The following GSTCD variants were observed in gnomAD, a reference collection of about 807,000 sequenced individuals.
GSTCD encodes glutathione S-transferase C-terminal domain-containing protein.
GSTCD carries 44 observed loss-of-function variants against 68.3 expected under a neutral mutation model. The observed-to-expected ratio is 0.64, with a 90% CI of 0.51 to 0.83. The LOEUF (loss-of-function observed/expected upper bound fraction) is 0.83. Ranked by LOEUF, GSTCD falls within the 40% of genes least tolerant of loss-of-function variation. GSTCD has a pLI of 0.00. For missense variants in GSTCD, 739 were observed against 735.9 expected (o/e 1.00, Z -0.05); for synonymous variants, 273 against 255.2 (o/e 1.07, Z -0.67).
chr4:105,793,794 A>G (rs1446105263), intron 5 of GSTCD, among the ~76,000 whole-genome samples: 2 of 152,050 alleles, frequency 1.3e-5, no homozygotes, highest in African/African-American at 4.8e-5. Context: ...TTAGTATAGC[A>G]TGAAGCCCAC....
chr4:105,818,748 G>T (rs1043583858), intron 5 of GSTCD, among the ~76,000 whole-genome samples: 1 of 151,704 alleles, frequency 6.6e-6, no homozygotes, highest in Admixed American at 6.6e-5. Context: ...AACAAGGGAA[G>T]AGGAGCCTGA....
At chr4:105,839,760 T>C (rs1010795715) in intron 10 of GSTCD, among the ~76,000 whole-genome samples, 1 of 152,158 alleles carries the variant, frequency 6.6e-6, no homozygotes, top group Non-Finnish European at 1.5e-5. Flanking sequence ...TAATCCCTCC[T>C]TTGAGTGATG....
chr4:105,734,596 T>TTTGCAACGTTTTTAGCTTCTTTGCAA (rs1426991124), intron 5 of GSTCD, among the ~76,000 whole-genome samples: 1 of 152,214 alleles, frequency 6.6e-6, no homozygotes. Context: ...GTCTAATCTT[T>TTTGCAACGTTTTTAGCTTCTTTGCAA]TTGCAACGTT....
At chr4:105,805,315 C>T (rs1480862440) in intron 5 of GSTCD, among the ~76,000 whole-genome samples, 2 of 151,996 alleles carry the variant, frequency 1.3e-5, no homozygotes, top group East Asian at 3.9e-4. Flanking sequence ...TAATCTAATG[C>T]AGATTGACAT....
rs1380109813 is a variant in GSTCD at position 105,726,656 on chromosome 4, A to C, written c.972A>C (p.Glu324Asp). Residue 324 changes from glutamate to aspartate, a missense_variant, in exon 4 of 12, where the codon GAA (glutamate) becomes GAC (aspartate). By Grantham distance (45) the Glu-to-Asp change is conservative. Coordinates refer to ENST00000515279, the MANE Select transcript of GSTCD (RefSeq NM_001370181.1). Reference protein sequence around the residue: ...LLASWYQRIQEVPGVKTAASK... With the variant: ...LLASWYQRIQDVPGVKTAASK... The stretch of plus-strand genomic sequence containing the variant: ...CCTCTTGGTACCAGAGGATTCAGGA[A>C]GTGCCAGGAGTAAAAACAGCAGCTT... 4.3e-6 allele frequency: 7 copies of C among 1,613,832 alleles called. No homozygotes were observed. The South Asian group carries it at 5.5e-5, about 13-fold the overall frequency.
intron 5 of GSTCD, among the ~76,000 whole-genome samples, chr4:105,796,641 T>C (rs1225391917): frequency 6.6e-6 from 1 of 152,156 alleles, no homozygotes; most frequent in African/African-American, 2.4e-5. Flanking sequence ...AAATTGATCA[T>C]ATTTCTTTGC....
In GSTCD at chr4:105,735,500, T is replaced by C. The variant is rs552069329; in HGVS notation, c.1240+6001T>C. Among the ~76,000 whole-genome samples, 7 of 152,332 alleles carry C rather than the reference T, an allele frequency of 4.6e-5. No individual in the cohort carries two copies. In the East Asian group the frequency reaches 1.3e-3, roughly 29 times the overall value. On this transcript the variant is annotated intron_variant, in intron 5 of 11. Transcript: ENST00000515279. Reference sequence around the variant, plus strand: ...AGGCACGGGATATAATCTCCTGGTGTGCCGTTTGCTAAGACCATTGGAAAA... The same window carrying C: ...AGGCACGGGATATAATCTCCTGGTGCGCCGTTTGCTAAGACCATTGGAAAA...
chr4:105,821,979 T>G (rs971586450), intron 5 of GSTCD, among the ~76,000 whole-genome samples: 32 of 152,016 alleles, frequency 2.1e-4, no homozygotes, highest in African/African-American at 6.7e-4. Flanking sequence ...AAGAAAAATG[T>G]CATGCCATTT....
Position 105,726,782 on chromosome 4 carries a change from C to A in GSTCD, c.1098C>A (p.Ser366Arg). ...AAGTCCCAGGTGTAGAAGAGCAAAGCGATCCTTTATTTATAGGAGGACCAA... is the reference window on the plus strand; with the variant it reads ...AAGTCCCAGGTGTAGAAGAGCAAAGAGATCCTTTATTTATAGGAGGACCAA... ...LCEVPGVEEQ[S>R]DPLFIGGPRP... Residue 366 changes from serine to arginine, a missense_variant, in exon 4 of 12, where the codon AGC becomes AGA. Transcript: ENST00000515279. 1 of 1,613,348 alleles carries A rather than the reference C, an allele frequency of 6.2e-7. No individual in the cohort carries two copies. Among genetic ancestry groups the A allele is most frequent in the Non-Finnish European group, 8.5e-7 (1 of 1,179,500 alleles).
intron 5 of GSTCD, among the ~76,000 whole-genome samples, chr4:105,744,023 C>A (rs1733724994): frequency 6.6e-6 from 1 of 152,172 alleles, no homozygotes; most frequent in Non-Finnish European, 1.5e-5. Flanking sequence ...ATTTAGTACA[C>A]ATTATTATGT....
At chr4:105,730,744 T>C (rs1377819806) in intron 5 of GSTCD, among the ~76,000 whole-genome samples, 1 of 152,250 alleles carries the variant, frequency 6.6e-6, no homozygotes, top group Non-Finnish European at 1.5e-5. Flanking sequence ...ATCTTTAGTT[T>C]AATTAGATCC....
intron 5 of GSTCD, among the ~76,000 whole-genome samples, chr4:105,765,891 A>T (rs1734587295): frequency 6.6e-6 from 1 of 152,106 alleles, no homozygotes; most frequent in Non-Finnish European, 1.5e-5. Context: ...TTCCGCCAGG[A>T]TTGTAAGTTT....
chr4:105,745,430 T>C (rs978827412), intron 5 of GSTCD, among the ~76,000 whole-genome samples: 4 of 152,224 alleles, frequency 2.6e-5, no homozygotes, highest in Non-Finnish European at 5.9e-5. Context: ...TCTACTTCAC[T>C]GAGAACATCC....
intron 5 of GSTCD, among the ~76,000 whole-genome samples, chr4:105,774,978 A>G (rs1403422030): frequency 1.5e-5 from 2 of 134,328 alleles, no homozygotes; most frequent in African/African-American, 5.5e-5. Context: ...TCTCCCTGTC[A>G]CTTTCAGGTA....
At chr4:105,772,981 T>C (rs1734914238) in intron 5 of GSTCD, among the ~76,000 whole-genome samples, 1 of 152,192 alleles carries the variant, frequency 6.6e-6, no homozygotes, top group Non-Finnish European at 1.5e-5. Flanking sequence ...TGAATCTGTC[T>C]GGTCCTGGAC....
intron 5 of GSTCD, among the ~76,000 whole-genome samples, chr4:105,799,739 C>A (rs1326309092): frequency 3.4e-5 from 5 of 147,940 alleles, no homozygotes; most frequent in African/African-American, 1.3e-4. Flanking sequence ...TGAGAATTAC[C>A]AAAATGTGAC....
chr4:105,772,859 A>C (rs570501001), intron 5 of GSTCD, among the ~76,000 whole-genome samples: 1 of 152,124 alleles, frequency 6.6e-6, no homozygotes, highest in African/African-American at 2.4e-5. Context: ...TATCAGGATG[A>C]TGTTGGCCTC....
intron 5 of GSTCD, among the ~76,000 whole-genome samples, chr4:105,749,770 A>G (rs1390364056): frequency 1.3e-5 from 2 of 152,224 alleles, no homozygotes; most frequent in Non-Finnish European, 2.9e-5. Context: ...ATGTGTTCTT[A>G]TATGTGACAC....
At chr4:105,734,959 T>C (rs959427972) in intron 5 of GSTCD, among the ~76,000 whole-genome samples, 13 of 152,224 alleles carry the variant, frequency 8.5e-5, no homozygotes, top group African/African-American at 3.1e-4. Context: ...AGATCCTGTT[T>C]GCCTGGGTAT....
Sources: allele counts gnomAD v4.1 joint callset (sites outside exome capture counted in the v4.1 genomes callset), GRCh38; gene constraint gnomAD v4.1.1; transcripts MANE v1.5; gene names NCBI Gene and HGNC (gene_info 2026-07-23, HGNC 2026-07-21).